MED12L: variants seen among roughly 807,000 people sequenced by gnomAD.
MED12L encodes mediator complex subunit 12L, also known as mediator of RNA polymerase II transcription subunit 12-like protein.
A neutral mutation model predicts 281.3 loss-of-function variants in MED12L; 60 were observed. That is an observed-to-expected ratio of 0.21 (90% CI 0.17 to 0.26). The LOEUF is 0.26. Ranked by LOEUF, MED12L falls within the 10% of genes least tolerant of loss-of-function variation. The pLI, the probability that MED12L is intolerant of heterozygous loss-of-function variation, is 1.00. For synonymous variants in MED12L, 974 were observed against 987.2 expected (o/e 0.99, Z 0.25); for missense variants, 2,146 against 2,680.9 (o/e 0.80, Z 4.41).
chr3:151,229,627 C>T lies in MED12L; in HGVS notation c.2250+35961C>T, dbSNP rs1245027454. Among the ~76,000 whole-genome samples, 5 of 151,908 alleles carry T rather than the reference C, an allele frequency of 3.3e-5. No individual in the cohort carries two copies. The East Asian group carries it at 9.8e-4, about 30-fold the overall frequency. Reference sequence around the variant, plus strand: ...CCTAGTAGCTGGGACTACAGGCGCCCACCACCATGCCTGGCTTATTTTTGT... The same window carrying T: ...CCTAGTAGCTGGGACTACAGGCGCCTACCACCATGCCTGGCTTATTTTTGT... On this transcript the variant is annotated intron_variant, in intron 16 of 44. Coordinates refer to ENST00000687756, the MANE Select transcript of MED12L (RefSeq NM_001393769.1).
chr3:151,349,997 G>A lies in MED12L; in HGVS notation c.2251-62G>A. ...GGTGCTGTGGTCAGTGCATTTCAGG[G>A]ATATGAAATGCAACCCCACCCCTGC... On this transcript the variant is annotated intron_variant, in intron 16 of 44. Coordinates refer to ENST00000687756, the MANE Select transcript of MED12L (RefSeq NM_001393769.1). 5.9e-6 allele frequency: 9 copies of A among 1,520,126 alleles called. No individual in the cohort carries two copies. The South Asian group carries it at 9.5e-5, about 16-fold the overall frequency. 94.2% of individuals were successfully genotyped at this position (1,520,126 alleles called of 1,614,324 possible). A position where few individuals can be genotyped will look rare whatever the true frequency, so the allele number is the denominator to read the frequency against.
At chr3:151,191,415 C>A (rs1205173630) in intron 14 of MED12L, among the ~76,000 whole-genome samples, 1 of 152,152 alleles carries the variant, frequency 6.6e-6, no homozygotes, top group Non-Finnish European at 1.5e-5. Context: ...AAAGTTTAAT[C>A]TCTGTTTCTC....
intron 16 of MED12L, among the ~76,000 whole-genome samples, chr3:151,325,940 A>G (rs73006551): frequency 0.13 from 19,578 of 152,178 alleles, 2,208 homozygotes; most frequent in African/African-American, 0.3. Flanking sequence ...TGGCATCCCT[A>G]ATAGTAATGA....
rs1005717986 is a variant in MED12L, at chr3:151,382,664, T to A, written c.4599T>A (p.Ser1533Arg). ...TTTTTTCCGGATCTTAGATTTTAAGTAACTGGAGAGAAGAACGATACCAAG... is the reference window on the plus strand; with the variant it reads ...TTTTTTCCGGATCTTAGATTTTAAGAAACTGGAGAGAAGAACGATACCAAG... Reference protein sequence around the residue: ...SLQNQVNQILSNWREERYQDD... With the variant: ...SLQNQVNQILRNWREERYQDD... The change falls in exon 33 of 45, where the codon AGT becomes AGA. Residue 1533 changes from serine (S) to arginine (R), a missense_variant. Physicochemically the swap from Ser to Arg is moderately radical, Grantham distance 110. Transcript: ENST00000687756. 1 of 1,607,296 alleles carries A rather than the reference T, an allele frequency of 6.2e-7. No individual in the cohort carries two copies. The highest frequency in any genetic ancestry group is 8.5e-7 in the Non-Finnish European group (1 of 1,177,110).
At chr3:151,328,287 C>A in intron 16 of MED12L, 1 of 1,613,930 alleles carries the variant, frequency 6.2e-7, no homozygotes, top group Non-Finnish European at 8.5e-7. Flanking sequence ...ACAACAAATA[C>A]TTTGCCTTCC....
At chr3:151,300,144 ACACT>A in intron 16 of MED12L, 1 of 1,427,080 alleles carries the variant, frequency 7.0e-7, no homozygotes, top group Non-Finnish European at 9.9e-7. Context: ...GTGTCAGGAA[ACACT>A]TGGGGACGAT....
At chr3:151,328,875 G>C in intron 16 of MED12L, 1 of 1,614,048 alleles carries the variant, frequency 6.2e-7, no homozygotes, top group Non-Finnish European at 8.5e-7. Context: ...AAAGTATTCA[G>C]CAGGATGCCG....
At chr3:151,306,428 G>A (rs994819570) in intron 16 of MED12L, among the ~76,000 whole-genome samples, 2 of 152,122 alleles carry the variant, frequency 1.3e-5, no homozygotes, top group African/African-American at 4.8e-5. Context: ...AACTGCTTTC[G>A]GTGGGGAAAA....
chr3:151,353,770 C>T (rs1041566865), intron 17 of MED12L, among the ~76,000 whole-genome samples: 1 of 152,144 alleles, frequency 6.6e-6, no homozygotes, highest in South Asian at 2.1e-4. Context: ...AACCTTTGTT[C>T]TCTGAAATTA....
At chr3:151,305,935 A>G (rs1746576720) in intron 16 of MED12L, among the ~76,000 whole-genome samples, 1 of 152,214 alleles carries the variant, frequency 6.6e-6, no homozygotes. Flanking sequence ...AGCATCCAGC[A>G]TGAACAATCC....
intron 16 of MED12L, among the ~76,000 whole-genome samples, chr3:151,290,933 T>C (rs1744172435): frequency 1.3e-5 from 2 of 152,192 alleles, no homozygotes; most frequent in African/African-American, 2.4e-5. Context: ...ATACTTGTAT[T>C]ATGTTGAAAA....
intron 16 of MED12L, among the ~76,000 whole-genome samples, chr3:151,314,691 A>G (rs1748002970): frequency 6.6e-6 from 1 of 152,098 alleles, no homozygotes; most frequent in African/African-American, 2.4e-5. Flanking sequence ...GCTCTACCCC[A>G]TTTCCTCTCA....
chr3:151,364,156 A>T (rs1370793342), intron 21 of MED12L, among the ~76,000 whole-genome samples: 1 of 152,198 alleles, frequency 6.6e-6, no homozygotes, highest in Admixed American at 6.5e-5. Flanking sequence ...GGTAAGCACA[A>T]ATGGCTAAGT....
At chr3:151,266,659 T>C (rs989397079) in intron 16 of MED12L, among the ~76,000 whole-genome samples, 5 of 152,160 alleles carry the variant, frequency 3.3e-5, no homozygotes, top group African/African-American at 9.7e-5. Context: ...GATGAGCAAG[T>C]GATATGAACA....
intron 39 of MED12L, among the ~76,000 whole-genome samples, chr3:151,402,284 T>C (rs532674210): frequency 6.6e-6 from 1 of 152,338 alleles, no homozygotes; most frequent in African/African-American, 2.4e-5. Flanking sequence ...ATAAATGATT[T>C]AGAAAGGGAC....
chr3:151,088,508 T>G (rs931094376), intron 2 of MED12L, among the ~76,000 whole-genome samples: 3 of 152,204 alleles, frequency 2.0e-5, no homozygotes, highest in African/African-American at 7.2e-5. Flanking sequence ...TTGAACTTTA[T>G]CATCTTGTAA....
At chr3:151,303,400 T>G (rs1746208023) in intron 16 of MED12L, among the ~76,000 whole-genome samples, 1 of 152,010 alleles carries the variant, frequency 6.6e-6, no homozygotes, top group Admixed American at 6.6e-5. Context: ...GCTGGTGATG[T>G]CTATCTAAGG....
chr3:151,364,455 A>T (rs1755034249), intron 21 of MED12L, among the ~76,000 whole-genome samples: 4 of 152,304 alleles, frequency 2.6e-5, no homozygotes, highest in South Asian at 4.1e-4. Context: ...ATGTAAGTTC[A>T]TTGAAGACAA....
In MED12L at chr3:151,390,106, T is replaced by G; in HGVS notation, c.5579T>G (p.Phe1860Cys). ...GTGGGCCAGCCCCAGCAGCCCGGCTTTTTCCTTCAGAACCAATCTCTTACT... is the reference window on the plus strand; with the variant it reads ...GTGGGCCAGCCCCAGCAGCCCGGCTGTTTCCTTCAGAACCAATCTCTTACT... ...NLVGQPQQPGFFLQNQSLTPG... is the reference protein window; with the variant it reads ...NLVGQPQQPGCFLQNQSLTPG... Residue 1860 changes from phenylalanine (F) to cysteine (C), a missense_variant, in exon 38 of 45, where the codon TTT becomes TGT. Physicochemically the swap from Phe to Cys is radical, Grantham distance 205. Around this residue, in one of 9 missense-constraint regions of MED12L, gnomAD observed 496 missense variants for 512.0 expected, o/e 0.97. Coordinates refer to ENST00000687756, the MANE Select transcript of MED12L (RefSeq NM_001393769.1). The G allele has an allele frequency of 1.9e-6, 3 of 1,614,022 alleles. No homozygotes were observed. The East Asian group carries it at 6.7e-5, about 36-fold the overall frequency.
Sources: gnomAD v4.1 joint callset for allele counts (sites outside exome capture counted in the v4.1 genomes callset) on GRCh38, gnomAD v4.1.1 for gene constraint, gnomAD v4.1.1 regional missense constraint, MANE v1.5 for transcripts, NCBI Gene and HGNC (gene_info 2026-07-23, HGNC 2026-07-21) for gene names.